Variants in DACH1 observed in about 807,000 individuals in gnomAD.
The protein encoded by DACH1 is dachshund homolog 1.
DACH1 carries 12 observed loss-of-function variants against 54.2 expected under a neutral mutation model. The observed-to-expected ratio is 0.22, with a 90% CI of 0.14 to 0.36. The LOEUF (loss-of-function observed/expected upper bound fraction) is 0.36, where lower values mean the gene tolerates loss of function less well. Among genes scored for constraint, DACH1 ranks in the 10% least tolerant of loss-of-function variants. The pLI is 1.00. For missense variants in DACH1, 805 were observed against 929.8 expected (o/e 0.87, Z 1.75); for synonymous variants, 386 against 366.2 (o/e 1.05, Z -0.62).
At chr13:71,486,804 TTATTTATTTATCTATCTATC>T (rs1392469173) in intron 7 of DACH1, among the ~76,000 whole-genome samples, 19 of 26,118 alleles carry the variant, frequency 7.3e-4, no homozygotes, top group Non-Finnish European at 3.2e-3. Context: ...ATTAATTTAT[TTATTTATTTATCTATCTATC>T]TATCTATCTA....
chr13:71,789,681 CAGAT>C (rs1387608478), intron 1 of DACH1, among the ~76,000 whole-genome samples: 4 of 152,046 alleles, frequency 2.6e-5, no homozygotes, highest in Non-Finnish European at 5.9e-5. Context: ...TTTTCTCTGA[CAGAT>C]AGAAGTATAT....
At chr13:71,698,445 T>C (rs1881943305) in intron 1 of DACH1, among the ~76,000 whole-genome samples, 1 of 152,232 alleles carries the variant, frequency 6.6e-6, no homozygotes, top group Admixed American at 6.5e-5. Context: ...CGTTTAGTCC[T>C]CTGTATTGAA....
intron 1 of DACH1, among the ~76,000 whole-genome samples, chr13:71,682,376 G>A (rs1303456672): frequency 6.6e-6 from 1 of 152,118 alleles, no homozygotes; most frequent in African/African-American, 2.4e-5. Context: ...GAAATGTTCT[G>A]CTTGTTTGAT....
intron 1 of DACH1, among the ~76,000 whole-genome samples, chr13:71,800,603 C>T (rs1887253527): frequency 6.6e-6 from 1 of 152,004 alleles, no homozygotes; most frequent in Non-Finnish European, 1.5e-5. Context: ...TCCTAAAGTT[C>T]ATAAAACTAA....
chr13:71,816,191 T>C (rs2138165620), intron 1 of DACH1, among the ~76,000 whole-genome samples: 1 of 152,230 alleles, frequency 6.6e-6, no homozygotes, highest in South Asian at 2.1e-4. Flanking sequence ...GAGGAAAATA[T>C]AATACAATGT....
chr13:71,657,627 G>C (rs1566411762), intron 2 of DACH1, among the ~76,000 whole-genome samples: 2 of 150,832 alleles, frequency 1.3e-5, no homozygotes, highest in Non-Finnish European at 2.9e-5. Flanking sequence ...ATTTCGTCTG[G>C]TGCTCATTTG....
At chr13:71,654,964 T>C (rs1034922651) in intron 2 of DACH1, among the ~76,000 whole-genome samples, 5 of 152,246 alleles carry the variant, frequency 3.3e-5, no homozygotes, top group African/African-American at 1.2e-4. Context: ...TACAGACTTA[T>C]GATTCTAATC....
At chr13:71,849,651 A>G (rs1005872089) in intron 1 of DACH1, among the ~76,000 whole-genome samples, 3 of 152,166 alleles carry the variant, frequency 2.0e-5, no homozygotes, top group Admixed American at 6.5e-5. Flanking sequence ...CCCCCCATCT[A>G]TGGATCTACC....
At chr13:71,836,377 G>T (rs1888784214) in intron 1 of DACH1, among the ~76,000 whole-genome samples, 1 of 151,986 alleles carries the variant, frequency 6.6e-6, no homozygotes, top group African/African-American at 2.4e-5. Flanking sequence ...TGTCACCCAA[G>T]ATTATTCCAC....
intron 1 of DACH1, among the ~76,000 whole-genome samples, chr13:71,777,976 T>C (rs1364533898): frequency 6.6e-6 from 1 of 151,364 alleles, no homozygotes; most frequent in Non-Finnish European, 1.5e-5. Context: ...AATTAGCTGG[T>C]AGTAAGGGGT....
chr13:71,698,084 A>T (rs1020278848), intron 1 of DACH1, among the ~76,000 whole-genome samples: 1 of 152,154 alleles, frequency 6.6e-6, no homozygotes, highest in Non-Finnish European at 1.5e-5. Context: ...TATGTAAAAG[A>T]CGGATAATTA....
chr13:71,715,460 G>A (rs1882923734), intron 1 of DACH1, among the ~76,000 whole-genome samples: 1 of 152,034 alleles, frequency 6.6e-6, no homozygotes, highest in Non-Finnish European at 1.5e-5. Flanking sequence ...GCTCTGTTCA[G>A]GGTACATTCT....
intron 1 of DACH1, among the ~76,000 whole-genome samples, chr13:71,700,613 T>C (rs1380505415): frequency 4.1e-5 from 6 of 147,148 alleles, no homozygotes; most frequent in African/African-American, 1.5e-4. Flanking sequence ...AGAGCAAGCT[T>C]AGTTAGAAAT....
chr13:71,561,237 T>G (rs1275556494), intron 4 of DACH1, among the ~76,000 whole-genome samples: 4 of 152,132 alleles, frequency 2.6e-5, no homozygotes, highest in African/African-American at 9.7e-5. Context: ...CTCCCAGAGA[T>G]TCTGGTTTAC....
chr13:71,646,517 C>A (rs1325073814), intron 2 of DACH1, among the ~76,000 whole-genome samples: 1 of 152,054 alleles, frequency 6.6e-6, no homozygotes, highest in Non-Finnish European at 1.5e-5. Flanking sequence ...AGAAGTGATC[C>A]ATTAGCCCAA....
intron 1 of DACH1, among the ~76,000 whole-genome samples, chr13:71,825,078 AC>A (rs918892279): frequency 1.3e-5 from 2 of 152,216 alleles, no homozygotes; most frequent in Non-Finnish European, 2.9e-5. Flanking sequence ...TAATTTTCAC[AC>A]ATACCAAAAT....
intron 6 of DACH1, among the ~76,000 whole-genome samples, chr13:71,502,159 T>C (rs1879969803): frequency 1.3e-5 from 2 of 152,124 alleles, no homozygotes; most frequent in South Asian, 4.2e-4. Context: ...AGATTTTCCA[T>C]TTCACTCCTC....
At chr13:71,602,798 A>G (rs977002239) in intron 3 of DACH1, among the ~76,000 whole-genome samples, 10 of 151,964 alleles carry the variant, frequency 6.6e-5, no homozygotes, top group African/African-American at 2.4e-4. Flanking sequence ...TTAGGTAGTG[A>G]TTTCTAATTA....
chr13:71,742,765 A>C (rs144202027), intron 1 of DACH1, among the ~76,000 whole-genome samples: 1 of 151,790 alleles, frequency 6.6e-6, no homozygotes, highest in Non-Finnish European at 1.5e-5. Context: ...CTTCCTTTTT[A>C]CCTCAAGGAT....
Sources: gnomAD v4.1 joint callset for allele counts (sites outside exome capture counted in the v4.1 genomes callset) on GRCh38, gnomAD v4.1.1 for gene constraint, MANE v1.5 for transcripts, NCBI Gene and HGNC (gene_info 2026-07-23, HGNC 2026-07-21) for gene names.